KIF6: variants seen among roughly 807,000 people sequenced by gnomAD.
KIF6 encodes kinesin-like protein KIF6.
Under a neutral mutation model 112.7 loss-of-function variants are expected in KIF6, and 106 were observed. That is an observed-to-expected ratio of 0.94 (90% CI 0.80 to 1.11). The LOEUF is 1.11. Ranked by LOEUF, KIF6 falls within the 50% of genes least tolerant of loss-of-function variation. KIF6 has a pLI of 0.00. For missense variants in KIF6, 929 were observed against 964.0 expected, an observed-to-expected ratio of 0.96 and a Z score of 0.48; for synonymous variants, 339 against 339.9, an observed-to-expected ratio of 1.00 and a Z score of 0.03.
At chr6:39,664,114 G>A (rs1280405491) in intron 3 of KIF6, among the ~76,000 whole-genome samples, 10 of 152,108 alleles carry the variant, frequency 6.6e-5, no homozygotes, top group Admixed American at 5.9e-4. Flanking sequence ...GGTGATAACT[G>A]TTATAAATAA....
At chr6:39,428,715 T>C (rs1770936841) in intron 14 of KIF6, among the ~76,000 whole-genome samples, 1 of 152,248 alleles carries the variant, frequency 6.6e-6, no homozygotes, top group African/African-American at 2.4e-5. Flanking sequence ...TTGCATGTTT[T>C]TCTTTGCTTT....
At chr6:39,534,800 G>C (rs1186483632) in intron 13 of KIF6, among the ~76,000 whole-genome samples, 2 of 152,164 alleles carry the variant, frequency 1.3e-5, no homozygotes, top group African/African-American at 4.8e-5. Flanking sequence ...AAATGTTAAG[G>C]GCAGCCAGGG....
chr6:39,686,261 T>C (rs546006484), intron 3 of KIF6, among the ~76,000 whole-genome samples: 1 of 152,360 alleles, frequency 6.6e-6, no homozygotes, highest in East Asian at 1.9e-4. Context: ...CACTACCACA[T>C]TGATCTTTTT....
At chr6:39,695,962 A>G (rs1312988741) in intron 3 of KIF6, among the ~76,000 whole-genome samples, 2 of 152,256 alleles carry the variant, frequency 1.3e-5, no homozygotes, top group Non-Finnish European at 2.9e-5. Flanking sequence ...AATACCACAC[A>G]GCCATAAAAA....
intron 5 of KIF6, among the ~76,000 whole-genome samples, chr6:39,622,958 G>A (rs1032218513): frequency 3.3e-5 from 5 of 152,176 alleles, no homozygotes; most frequent in African/African-American, 1.2e-4. Flanking sequence ...CGGTGGTGTG[G>A]GAGAGGTGAG....
intron 6 of KIF6, among the ~76,000 whole-genome samples, chr6:39,600,896 G>A (rs1782531024): frequency 6.6e-6 from 1 of 152,092 alleles, no homozygotes. Context: ...AAATTTACAT[G>A]AAGTAATTTT....
intron 3 of KIF6, among the ~76,000 whole-genome samples, chr6:39,697,374 G>C (rs1471912764): frequency 6.6e-6 from 1 of 152,118 alleles, no homozygotes; most frequent in Admixed American, 6.6e-5. Flanking sequence ...AAGCCTATCA[G>C]GTTGGTGCTG....
chr6:39,694,964 A>C, intron 3 of KIF6, among the ~76,000 whole-genome samples: 1 of 152,350 alleles, frequency 6.6e-6, no homozygotes. Context: ...CTATTACAAA[A>C]ACAGACACAC....
Position 39,354,056 on chromosome 6 carries a change from T to C in KIF6, c.2180+3221A>G, listed in dbSNP as rs543990029. On this transcript the variant is annotated intron_variant, in intron 19 of 22. Coordinates refer to ENST00000287152, the MANE Select transcript of KIF6 (RefSeq NM_145027.6). ...CAATGACCAGCCTACATAAGGCTCC[T>C]GAGAACGGTCACGTGGACATTTGCT... 1.6e-4 allele frequency: 49 copies of C among 305,506 alleles called. 1 individual carries two copies. Among genetic ancestry groups the C allele is most frequent in the African/African-American group, 1.0e-3 (47 of 45,402 alleles). The allele number at this position is 305,506 out of a possible 1,614,324, so 18.9% of individuals were successfully genotyped here.
intron 10 of KIF6, among the ~76,000 whole-genome samples, chr6:39,573,149 G>A (rs2150625304): frequency 6.6e-6 from 1 of 152,056 alleles, no homozygotes; most frequent in South Asian, 2.1e-4. Context: ...GAGCAATTCT[G>A]CCACTGTGTC....
At chr6:39,568,229 G>A (rs1028999261) in intron 10 of KIF6, among the ~76,000 whole-genome samples, 1 of 152,158 alleles carries the variant, frequency 6.6e-6, no homozygotes, top group Non-Finnish European at 1.5e-5. Flanking sequence ...TCTGTATACA[G>A]GGGGTAACGA....
intron 3 of KIF6, among the ~76,000 whole-genome samples, chr6:39,663,020 A>G (rs1465740310): frequency 6.6e-6 from 1 of 151,542 alleles, no homozygotes; most frequent in African/African-American, 2.4e-5. Context: ...TCAGCCTCCT[A>G]GTAGCTGGGA....
chr6:39,483,222 T>C (rs1353763012), intron 13 of KIF6, among the ~76,000 whole-genome samples: 3 of 152,190 alleles, frequency 2.0e-5, no homozygotes, highest in Admixed American at 6.5e-5. Flanking sequence ...AGACAAAATA[T>C]AGGCAGTCTG....
At chr6:39,497,613 A>C (rs1775864299) in intron 13 of KIF6, among the ~76,000 whole-genome samples, 1 of 152,178 alleles carries the variant, frequency 6.6e-6, no homozygotes, top group Non-Finnish European at 1.5e-5. Context: ...CATACATTAC[A>C]ACGTGAGAAA....
chr6:39,630,950 C>T (rs1186385508), intron 5 of KIF6, among the ~76,000 whole-genome samples: 1 of 151,968 alleles, frequency 6.6e-6, no homozygotes, highest in Non-Finnish European at 1.5e-5. Context: ...ATTCTTTAGA[C>T]TGTTCATGCC....
chr6:39,424,523 C>T (rs902968485), intron 14 of KIF6, among the ~76,000 whole-genome samples: 7 of 152,306 alleles, frequency 4.6e-5, no homozygotes, highest in East Asian at 1.9e-4. Flanking sequence ...AAGATAAGCA[C>T]GTGAGCAAGT....
chr6:39,639,500 A>G, intron 4 of KIF6, 110 bp downstream of exon 4: 1 of 912,356 alleles, frequency 1.1e-6, no homozygotes, highest in Non-Finnish European at 1.5e-6. Flanking sequence ...ACACAATAAG[A>G]CTTTATCATT....
In KIF6 at chr6:39,385,608, C is replaced by T; in HGVS notation, c.1861+14G>A. On this transcript the variant is annotated intron_variant, in intron 16 of 22. Transcript: ENST00000287152. ...TACCTTCATCCTCTTCCTGCAGATTCTCTTTGTACCTACCTAGGGCTACTT... is the reference window on the plus strand; with the variant it reads ...TACCTTCATCCTCTTCCTGCAGATTTTCTTTGTACCTACCTAGGGCTACTT... The T allele has an allele frequency of 6.2e-6, 10 of 1,607,968 alleles. No individual in the cohort carries two copies. Among genetic ancestry groups the T allele is most frequent in the Non-Finnish European group, 7.7e-6 (9 of 1,174,432 alleles).
At chr6:39,540,449 A>G (rs997259311) in intron 12 of KIF6, among the ~76,000 whole-genome samples, 1 of 152,224 alleles carries the variant, frequency 6.6e-6, no homozygotes, top group African/African-American at 2.4e-5. Context: ...GGTCTTTACA[A>G]TGTTCTGAGT....
Sources: allele counts gnomAD v4.1 joint callset (sites outside exome capture counted in the v4.1 genomes callset), GRCh38; gene constraint gnomAD v4.1.1; transcripts MANE v1.5; gene names NCBI Gene and HGNC (gene_info 2026-07-23, HGNC 2026-07-21).